Variants in OTUD6B observed in about 807,000 individuals in gnomAD.
OTUD6B encodes OTU deubiquitinase 6B, also known as deubiquitinase OTUD6B.
In OTUD6B, 41 loss-of-function variants were observed where a neutral mutation model predicts 36.9. The observed-to-expected ratio is 1.11, with a 90% CI of 0.87 to 1.44. The LOEUF (loss-of-function observed/expected upper bound fraction) is 1.44. OTUD6B is among the 40% of genes most tolerant of loss of function. OTUD6B has a pLI of 0.00. For synonymous variants in OTUD6B, 114 were observed against 114.2 expected (o/e 1.00, Z 0.01); for missense variants, 356 against 344.8 (o/e 1.03, Z -0.26).
Position 91,085,133 on chromosome 8 carries a change from A to G in OTUD6B, c.*265A>G, listed in dbSNP as rs567123551. 2.7e-4 allele frequency: 55 copies of G among 207,128 alleles called. No homozygotes were observed. The highest frequency in any genetic ancestry group is 1.6e-3 in the South Asian group (9 of 5,458). The allele number at this position is 207,128 out of a possible 1,614,324, so 12.8% of individuals were successfully genotyped here. On this transcript the variant is annotated 3_prime_UTR_variant, in exon 7 of 7. Transcript: ENST00000404789. The stretch of plus-strand genomic sequence containing the variant: ...TGGTCCCCTATTAGCTGATATTTTC[A>G]TTTATGTAAGATCCTGGACATTCTG...
chr8:91,078,616 AGACTT>A lies in OTUD6B; in HGVS notation c.577_581del (p.Asp193SerfsTer8), dbSNP rs1812845301. 7.5e-6 allele frequency: 12 copies of A among 1,599,194 alleles called. No homozygotes were observed. Among genetic ancestry groups the A allele is most frequent in the Non-Finnish European group, 1.0e-5 (12 of 1,172,012 alleles). ...CTGAGTATATGCAAAGCCATGTGGA[AGACTT>A]TCTGCCATTTTTAACAAACCCTAAT... is the stretch of plus-strand genomic sequence containing the variant. On this transcript the variant is annotated frameshift_variant, in exon 4 of 7. Coordinates refer to ENST00000404789, the MANE Select transcript of OTUD6B (RefSeq NM_016023.5). LOFTEE classifies it high-confidence loss of function.
chr8:91,070,739 GT>G (rs1812675706), intron 1 of OTUD6B, among the ~76,000 whole-genome samples: 1 of 151,948 alleles, frequency 6.6e-6, no homozygotes, highest in Non-Finnish European at 1.5e-5. Flanking sequence ...CGCCGTCTTG[GT>G]CCGCTCCCAA....
At chr8:91,083,635 CAA>C (rs1375714041) in intron 5 of OTUD6B, among the ~76,000 whole-genome samples, 2 of 152,062 alleles carry the variant, frequency 1.3e-5, no homozygotes, top group African/African-American at 4.8e-5. Context: ...GTTTCATGCA[CAA>C]AGTTATTTAA....
chr8:91,071,211 G>A lies in OTUD6B; in HGVS notation c.156G>A (p.Val52=), dbSNP rs1280089760. The A allele has an allele frequency of 1.2e-6, 2 of 1,613,694 alleles. No individual in the cohort carries two copies. The highest frequency in any genetic ancestry group is 4.5e-5 in the East Asian group (2 of 44,874). The change falls in exon 2 of 7, where the codon GTG becomes GTA. Residue 52 remains valine, a synonymous_variant. Coordinates refer to ENST00000404789, the MANE Select transcript of OTUD6B (RefSeq NM_016023.5). ...KKRRKQLTED[V]AKLEKEMEQK... ...GGAGGAAGCAACTCACCGAAGATGT[G>A]GCCAAGTTGGAAAAAGAAATGGAAC...
chr8:91,082,745 C>CTTTTTT (rs369648071), intron 5 of OTUD6B, among the ~76,000 whole-genome samples: 3 of 111,852 alleles, frequency 2.7e-5, no homozygotes, highest in Non-Finnish European at 3.5e-5. Context: ...GGTCATATGT[C>CTTTTTT]TTTTTTTTTT....
Position 91,085,546 on chromosome 8 carries a change from A to T in OTUD6B, c.*678A>T, listed in dbSNP as rs1221070255. ...CAAATTTAAATCTCTAAAGAATTAG[A>T]GATTAGTTTTTTATTTGTGTATAAT... On this transcript the variant is annotated 3_prime_UTR_variant, in exon 7 of 7. Coordinates refer to ENST00000404789, the MANE Select transcript of OTUD6B (RefSeq NM_016023.5). 6.6e-6 allele frequency: 1 copy of T among 152,042 alleles called. No individual in the cohort carries two copies. Among genetic ancestry groups the T allele is most frequent in the East Asian group, 1.9e-4 (1 of 5,198 alleles). The allele number at this position is 152,042 out of a possible 1,614,324, so 9.4% of individuals were successfully genotyped here.
Position 91,078,538 on chromosome 8 carries a change from A to C in OTUD6B, c.498A>C (p.Gln166His). ...GTATGTATAAAGCCATTGAAGATCA[A>C]CTGAAAGAAAAGGATTGTGCTCTGA... Reference protein sequence around the residue: ...GHCMYKAIEDQLKEKDCALTV... With the variant: ...GHCMYKAIEDHLKEKDCALTV... Residue 166 changes from glutamine (Q) to histidine (H), a missense_variant, in exon 4 of 7, where the codon CAA becomes CAC. Physicochemically the swap from Gln to His is conservative, Grantham distance 24. Coordinates refer to ENST00000404789, the MANE Select transcript of OTUD6B (RefSeq NM_016023.5). The C allele has an allele frequency of 1.2e-6, 2 of 1,609,824 alleles. No individual in the cohort carries two copies. Among genetic ancestry groups the C allele is most frequent in the Non-Finnish European group, 8.5e-7 (1 of 1,177,832 alleles).
intron 3 of OTUD6B, among the ~76,000 whole-genome samples, chr8:91,075,269 T>C (rs996243363): frequency 2.6e-5 from 4 of 152,084 alleles, no homozygotes; most frequent in Non-Finnish European, 4.4e-5. Flanking sequence ...ATCTTGGAGA[T>C]TGTCTGCTTA....
At chr8:91,078,265 G>C in intron 3 of OTUD6B, 91 bp from the exon 4 acceptor site, 1 of 1,453,154 alleles carries the variant, frequency 6.9e-7, no homozygotes, top group Non-Finnish European at 9.0e-7. Flanking sequence ...ACACCGGAAA[G>C]TTTTGAGACC....
At chr8:91,077,465 A>G (rs1449407183) in intron 3 of OTUD6B, among the ~76,000 whole-genome samples, 1 of 151,950 alleles carries the variant, frequency 6.6e-6, no homozygotes, top group Non-Finnish European at 1.5e-5. Flanking sequence ...GCTATGAAAC[A>G]TATAGTGCTT....
intron 3 of OTUD6B, 167 bp from the exon 4 acceptor site, chr8:91,078,189 A>C: frequency 2.3e-6 from 2 of 886,320 alleles, no homozygotes; most frequent in Non-Finnish European, 2.7e-6. Flanking sequence ...GAGAGTAAGG[A>C]GCTCACCTTG....
rs551875286 is a variant in OTUD6B, at chr8:91,086,865, T to A, written c.*1997T>A. On this transcript the variant is annotated 3_prime_UTR_variant, in exon 7 of 7. Coordinates refer to ENST00000404789, the MANE Select transcript of OTUD6B (RefSeq NM_016023.5). ...CAGCATATGCTAATTTACTTTTTCA[T>A]ATGATGATGGTCTAATGGAAGTTAC... is the stretch of plus-strand genomic sequence containing the variant. 2 of 152,212 alleles carry A rather than the reference T, an allele frequency of 1.3e-5. No homozygotes were observed. Among genetic ancestry groups the A allele is most frequent in the South Asian group, 4.1e-4 (2 of 4,832 alleles). The allele number at this position is 152,212 out of a possible 1,614,324, so 9.4% of individuals were successfully genotyped here.
intron 2 of OTUD6B, among the ~76,000 whole-genome samples, chr8:91,073,073 GTC>G (rs1245084189): frequency 1.3e-5 from 2 of 152,100 alleles, no homozygotes; most frequent in African/African-American, 4.8e-5. Context: ...ACTCTTTGAA[GTC>G]TCTATCTGAT....
At chr8:91,080,837 T>C in intron 5 of OTUD6B, 107 bp downstream of exon 5, 4 of 771,980 alleles carry the variant, frequency 5.2e-6, no homozygotes, top group South Asian at 1.8e-5. Context: ...CTTTGAAGAT[T>C]CCTTTTCTTT....
chr8:91,076,469 A>C, intron 3 of OTUD6B: 3 of 1,469,018 alleles, frequency 2.0e-6, no homozygotes, highest in Non-Finnish European at 2.7e-6. Flanking sequence ...TGAAATGATT[A>C]GAATTAGTAT....
In OTUD6B at chr8:91,085,125, A is replaced by T. The variant is rs1254309306; in HGVS notation, c.*257A>T. 4.6e-6 allele frequency: 1 copy of T among 217,856 alleles called. No homozygotes were observed. Among genetic ancestry groups the T allele is most frequent in the Non-Finnish European group, 9.0e-6 (1 of 111,668 alleles). 13.5% of individuals were successfully genotyped at this position (217,856 alleles called of 1,614,324 possible). ...GACCAAGATGGTCCCCTATTAGCTGATATTTTCATTTATGTAAGATCCTGG... is the reference window on the plus strand; with the variant it reads ...GACCAAGATGGTCCCCTATTAGCTGTTATTTTCATTTATGTAAGATCCTGG... On this transcript the variant is annotated 3_prime_UTR_variant, in exon 7 of 7. Coordinates refer to ENST00000404789, the MANE Select transcript of OTUD6B (RefSeq NM_016023.5).
intron 5 of OTUD6B, among the ~76,000 whole-genome samples, chr8:91,081,003 A>G (rs938998987): frequency 2.0e-5 from 3 of 152,198 alleles, no homozygotes; most frequent in Non-Finnish European, 4.4e-5. Flanking sequence ...AAGTCTTTTC[A>G]TCGTGATAGT....
chr8:91,077,354 G>T (rs919706916), intron 3 of OTUD6B, among the ~76,000 whole-genome samples: 1 of 151,856 alleles, frequency 6.6e-6, no homozygotes, highest in African/African-American at 2.4e-5. Context: ...CCTATGTTAA[G>T]TATAGACCTA....
chr8:91,073,886 G>C lies in OTUD6B; in HGVS notation c.290G>C (p.Arg97Pro), dbSNP rs765027683. 24 of 1,592,876 alleles carry C rather than the reference G, an allele frequency of 1.5e-5. No individual in the cohort carries two copies. The highest frequency in any genetic ancestry group is 2.1e-5 in the Non-Finnish European group (24 of 1,168,138). The change falls in exon 3 of 7, where the codon CGG (arginine) becomes CCG (proline). Residue 97 changes from arginine to proline, a missense_variant. Transcript: ENST00000404789. ...TTGGTGCTTGAGAATCAGCCACCTCGGATATCAAAAGCACAAAAGAGACGG... is the reference window on the plus strand; with the variant it reads ...TTGGTGCTTGAGAATCAGCCACCTCCGATATCAAAAGCACAAAAGAGACGG... The part of the protein sequence containing the change: ...SNLVLENQPP[R>P]ISKAQKRREK...
Sources: allele counts gnomAD v4.1 joint callset (sites outside exome capture counted in the v4.1 genomes callset), GRCh38; gene constraint gnomAD v4.1.1; transcripts MANE v1.5; gene names NCBI Gene and HGNC (gene_info 2026-07-23, HGNC 2026-07-21).